PCDHGA8: variants seen among roughly 807,000 people sequenced by gnomAD.
PCDHGA8 encodes the protein protocadherin gamma subfamily A, 8.
Under a neutral mutation model 59.2 loss-of-function variants are expected in PCDHGA8, and 45 were observed. That is an observed-to-expected ratio of 0.76 (90% CI 0.60 to 0.98). The LOEUF (loss-of-function observed/expected upper bound fraction) is 0.98, where lower values mean the gene tolerates loss of function less well. PCDHGA8 is among the 50% of genes least tolerant of loss of function. The pLI is 0.00. For missense variants in PCDHGA8, 1,257 were observed against 1,196.2 expected (o/e 1.05, Z -0.75); for synonymous variants, 531 against 519.0 (o/e 1.02, Z -0.32).
chr5:141,491,414 G>C lies in PCDHGA8; in HGVS notation c.2425-3393G>C, dbSNP rs137987971. 35 of 1,614,008 alleles carry C rather than the reference G, an allele frequency of 2.2e-5. No homozygotes were observed. Among genetic ancestry groups the C allele is most frequent in the African/African-American group, 1.3e-4 (10 of 74,910 alleles). On this transcript the variant is annotated intron_variant, in intron 1 of 3. Coordinates refer to ENST00000398604, the MANE Select transcript of PCDHGA8 (RefSeq NM_032088.2). The surrounding 1 kb of genome is among the most constrained non-coding windows in gnomAD (Gnocchi z 6.9). ...CTTCAGGGAAACGCAGACGGGGACG[G>C]GGGTGGAGGGCAGTGCTGCAGGCGC...
At chr5:141,415,083 G>A (rs747351388) in intron 1 of PCDHGA8, 4 of 1,613,514 alleles carry the variant, frequency 2.5e-6, no homozygotes, top group Non-Finnish European at 3.4e-6. Context: ...CGCGAGCCCT[G>A]CTGGACAGAG....
chr5:141,445,545 A>G (rs1422837499), intron 1 of PCDHGA8, among the ~76,000 whole-genome samples: 2 of 152,256 alleles, frequency 1.3e-5, no homozygotes, highest in Non-Finnish European at 2.9e-5. Context: ...AAGGAGAAAT[A>G]CAAAAGCACT....
At chr5:141,410,124 G>T in intron 1 of PCDHGA8, 1 of 1,612,726 alleles carries the variant, frequency 6.2e-7, no homozygotes, top group South Asian at 1.1e-5. Flanking sequence ...GCCCGCCAGC[G>T]CCTGCTGGTC....
intron 3 of PCDHGA8, among the ~76,000 whole-genome samples, chr5:141,510,553 A>G (rs1471878583): frequency 6.6e-6 from 1 of 152,162 alleles, no homozygotes; most frequent in Non-Finnish European, 1.5e-5. Context: ...TGTTTTGAGC[A>G]CTTACATCTA....
intron 1 of PCDHGA8, among the ~76,000 whole-genome samples, chr5:141,466,180 AT>A (rs922532578): frequency 6.6e-6 from 1 of 151,138 alleles, no homozygotes; most frequent in Admixed American, 6.6e-5. Context: ...TTTTATTTTT[AT>A]TTTTTTTCAG....
At chr5:141,428,489 T>C (rs2097142285) in intron 1 of PCDHGA8, 1 of 312,516 alleles carries the variant, frequency 3.2e-6, no homozygotes. Context: ...TCCTGCAATC[T>C]GTATGTTCCC....
In PCDHGA8 at chr5:141,430,592, C is replaced by G; in HGVS notation, c.2424+35355C>G. The G allele has an allele frequency of 9.2e-6, 5 of 544,570 alleles. No individual in the cohort carries two copies. In the South Asian group the frequency reaches 3.1e-4, roughly 34 times the overall value. The allele number at this position is 544,570 out of a possible 1,614,324, so 33.7% of individuals were successfully genotyped here. ...AAGCGGAGATCCTGCTCGCCTTGCACGCGCCTGAAGCACAAAGCAGATAGC... is the reference window on the plus strand; with the variant it reads ...AAGCGGAGATCCTGCTCGCCTTGCAGGCGCCTGAAGCACAAAGCAGATAGC... On this transcript the variant is annotated intron_variant, in intron 1 of 3. Coordinates refer to ENST00000398604, the MANE Select transcript of PCDHGA8 (RefSeq NM_032088.2).
intron 1 of PCDHGA8, among the ~76,000 whole-genome samples, chr5:141,437,514 C>G (rs2097891371): frequency 6.6e-6 from 1 of 152,114 alleles, no homozygotes; most frequent in South Asian, 2.1e-4. Flanking sequence ...AATTATAAGG[C>G]TGATGACAAA....
At chr5:141,481,913 CAAAA>C (rs34114744) in intron 1 of PCDHGA8, among the ~76,000 whole-genome samples, 1 of 90,848 alleles carries the variant, frequency 1.1e-5, no homozygotes, top group Non-Finnish European at 2.2e-5. Context: ...AACTCCATCT[CAAAA>C]AAAAAAAAAA....
chr5:141,439,289 T>C (rs1454088176), intron 1 of PCDHGA8, among the ~76,000 whole-genome samples: 1 of 151,850 alleles, frequency 6.6e-6, no homozygotes, highest in African/African-American at 2.4e-5. Flanking sequence ...CTGTGTTCCA[T>C]GGAAAAAGTA....
At chr5:141,479,241 G>A (rs2099490987) in intron 1 of PCDHGA8, 1 of 152,174 alleles carries the variant, frequency 6.6e-6, no homozygotes, top group Non-Finnish European at 1.5e-5. Context: ...CAAACCCAAA[G>A]ATAACCATTT....
intron 1 of PCDHGA8, chr5:141,418,485 A>G (rs1216502936): frequency 6.2e-7 from 1 of 1,614,028 alleles, no homozygotes; most frequent in South Asian, 1.1e-5. Context: ...AGCGCTCACC[A>G]CTTGGTACTG....
At chr5:141,501,628 C>T (rs1217355708) in intron 2 of PCDHGA8, among the ~76,000 whole-genome samples, 1 of 152,112 alleles carries the variant, frequency 6.6e-6, no homozygotes, top group Non-Finnish European at 1.5e-5. Flanking sequence ...TATAGTCTCT[C>T]AACCTCTCTG....
At position 141,393,513 on chromosome 5, in the gene PCDHGA8, G is replaced by A. The variant is rs376672994; in HGVS notation, c.700G>A (p.Asp234Asn). The A allele has an allele frequency of 6.6e-5, 107 of 1,614,000 alleles. 1 individual carries two copies. In the Middle Eastern group the frequency reaches 1.3e-3, roughly 20 times the overall value. ...STVRIHVTVL[D>N]TNDNAPVFPH... ...AGTGCGCATCCACGTGACAGTGTTG[G>A]ATACAAATGACAATGCCCCGGTTTT... The change falls in exon 1 of 4, where the codon GAT becomes AAT. Residue 234 changes from aspartate (D) to asparagine (N), a missense_variant. Transcript: ENST00000398604.
chr5:141,429,741 C>T (rs2097240604), intron 1 of PCDHGA8, among the ~76,000 whole-genome samples: 1 of 152,106 alleles, frequency 6.6e-6, no homozygotes, highest in Admixed American at 6.5e-5. Flanking sequence ...CCAGTTATTT[C>T]TTAGGGAGAA....
rs2099403992 is a variant in PCDHGA8, at chr5:141,477,030, C to T, written c.2425-17777C>T. On this transcript the variant is annotated intron_variant, in intron 1 of 3. Transcript: ENST00000398604. This position sits in a 1 kb window ranked among gnomAD's most constrained non-coding sequence, Gnocchi z 4.9. ...TTAGACCTTGTAACCGGGATGCTGACAATCAAGGGTCGGCTGGACTTCGAG... is the reference window on the plus strand; with the variant it reads ...TTAGACCTTGTAACCGGGATGCTGATAATCAAGGGTCGGCTGGACTTCGAG... The T allele has an allele frequency of 1.2e-6, 2 of 1,614,272 alleles. No homozygotes were observed. The highest frequency in any genetic ancestry group is 1.6e-4 in the Middle Eastern group (1 of 6,062).
chr5:141,444,762 T>A (rs767523211), intron 1 of PCDHGA8, among the ~76,000 whole-genome samples: 2 of 152,248 alleles, frequency 1.3e-5, no homozygotes, highest in Non-Finnish European at 2.9e-5. Flanking sequence ...TAGTTCTATT[T>A]CTATATTCTT....
At chr5:141,427,371 G>A (rs772247790) in intron 1 of PCDHGA8, 3 of 458,018 alleles carry the variant, frequency 6.5e-6, no homozygotes, top group East Asian at 6.9e-5. Context: ...ACCCTGGACG[G>A]TGATCACTCT....
At chr5:141,429,500 A>C (rs1050435175) in intron 1 of PCDHGA8, among the ~76,000 whole-genome samples, 1 of 152,148 alleles carries the variant, frequency 6.6e-6, no homozygotes, top group Non-Finnish European at 1.5e-5. Flanking sequence ...CAGTTGCCTG[A>C]AACTGTGCCT....
Sources: allele counts gnomAD v4.1 joint callset (sites outside exome capture counted in the v4.1 genomes callset), GRCh38; gene constraint gnomAD v4.1.1; non-coding constraint Gnocchi (gnomAD v3.1); transcripts MANE v1.5; gene names NCBI Gene and HGNC (gene_info 2026-07-23, HGNC 2026-07-21).